Variants in THADA observed in about 807,000 individuals in gnomAD.
THADA encodes THADA armadillo repeat containing.
A neutral mutation model predicts 219.8 loss-of-function variants in THADA; 213 were observed. That is an observed-to-expected ratio of 0.97 (90% confidence interval 0.87 to 1.09). THADA has a LOEUF of 1.09. Among genes scored for constraint, THADA ranks in the 50% least tolerant of loss-of-function variants. The pLI, the probability that THADA is intolerant of heterozygous loss-of-function variation, is 0.00. For missense variants in THADA, 2,956 were observed against 2,311.3 expected (o/e 1.28, Z -5.72); for synonymous variants, 1,018 against 828.9 (o/e 1.23, Z -3.92).
chr2:43,551,756 C>A, intron 19 of THADA, 33 bp downstream of exon 19: 1 of 1,596,482 alleles, frequency 6.3e-7, no homozygotes, highest in Non-Finnish European at 8.5e-7. Context: ...AATCAAACCA[C>A]AGCACTCTAG....
intron 30 of THADA, among the ~76,000 whole-genome samples, chr2:43,330,696 G>T (rs1679863300): frequency 6.6e-6 from 1 of 152,174 alleles, no homozygotes; most frequent in South Asian, 2.1e-4. Flanking sequence ...TGAGGAAAAG[G>T]GATATAGAAT....
At chr2:43,566,133 A>G (rs577082457) in intron 15 of THADA, 15 of 261,132 alleles carry the variant, frequency 5.7e-5, no homozygotes, top group Admixed American at 5.0e-4. Context: ...GGAAAAAATG[A>G]AACAAAAAAA....
At chr2:43,380,935 C>A (rs928419171) in intron 29 of THADA, among the ~76,000 whole-genome samples, 3 of 151,512 alleles carry the variant, frequency 2.0e-5, no homozygotes, top group South Asian at 2.1e-4. Flanking sequence ...CCCGTCTCTA[C>A]GAAAAATACA....
intron 15 of THADA, chr2:43,564,867 T>C (rs1698483733): frequency 6.6e-6 from 1 of 152,190 alleles, no homozygotes; most frequent in Non-Finnish European, 1.5e-5. Context: ...AAAATGTTAA[T>C]ATCATAAAAT....
intron 11 of THADA, among the ~76,000 whole-genome samples, chr2:43,573,646 C>G (rs1699530715): frequency 6.6e-6 from 1 of 152,142 alleles, no homozygotes; most frequent in African/African-American, 2.4e-5. Context: ...CTCATGGTTA[C>G]TCTTTGAAGT....
intron 24 of THADA, among the ~76,000 whole-genome samples, chr2:43,500,980 G>A (rs571069452): frequency 6.6e-6 from 1 of 151,716 alleles, no homozygotes; most frequent in African/African-American, 2.4e-5. Flanking sequence ...CAAAAAAAAA[G>A]ACATTAGAAA....
At chr2:43,286,227 G>C (rs1673986398) in intron 35 of THADA, among the ~76,000 whole-genome samples, 1 of 152,186 alleles carries the variant, frequency 6.6e-6, no homozygotes, top group African/African-American at 2.4e-5. Flanking sequence ...CCCGTGTTAG[G>C]GAGTGGTGGA....
At chr2:43,326,121 C>A (rs1324677802) in intron 30 of THADA, among the ~76,000 whole-genome samples, 1 of 145,544 alleles carries the variant, frequency 6.9e-6, no homozygotes, top group Non-Finnish European at 1.5e-5. Flanking sequence ...CAAACATATG[C>A]ATTAGGTCAT....
intron 24 of THADA, among the ~76,000 whole-genome samples, 155 bp downstream of exon 24, chr2:43,505,467 T>C (rs760870608): frequency 8.5e-5 from 13 of 152,150 alleles, no homozygotes; most frequent in Non-Finnish European, 1.9e-4. Context: ...GGCAGAAGAA[T>C]TGCTTGAACC....
chr2:43,279,042 C>G (rs1339335216), intron 36 of THADA, among the ~76,000 whole-genome samples: 1 of 152,190 alleles, frequency 6.6e-6, no homozygotes, highest in Non-Finnish European at 1.5e-5. Context: ...GGCCACTTGT[C>G]CAGAGGTGTG....
intron 29 of THADA, among the ~76,000 whole-genome samples, chr2:43,359,972 G>A (rs1445608199): frequency 6.6e-6 from 1 of 151,490 alleles, no homozygotes; most frequent in Non-Finnish European, 1.5e-5. Flanking sequence ...CCAAGATAAT[G>A]AGATGTAGGT....
At chr2:43,427,379 A>G (rs1425326701) in intron 28 of THADA, among the ~76,000 whole-genome samples, 1 of 152,096 alleles carries the variant, frequency 6.6e-6, no homozygotes, top group African/African-American at 2.4e-5. Context: ...GGGCTCAAAG[A>G]AAACATTACT....
chr2:43,313,246 C>A (rs1558564621), intron 31 of THADA, among the ~76,000 whole-genome samples: 1 of 152,144 alleles, frequency 6.6e-6, no homozygotes, highest in Non-Finnish European at 1.5e-5. Flanking sequence ...TATATAAATA[C>A]AAGCAGTAAT....
chr2:43,431,899 C>T (rs1271400462), intron 26 of THADA, among the ~76,000 whole-genome samples: 1 of 78,444 alleles, frequency 1.3e-5, no homozygotes, highest in African/African-American at 7.3e-5. Context: ...CTCTGTCGCC[C>T]AGGCTGGAAT....
At chr2:43,493,164 A>C (rs1457391500) in intron 25 of THADA, among the ~76,000 whole-genome samples, 3 of 152,112 alleles carry the variant, frequency 2.0e-5, no homozygotes, top group Non-Finnish European at 4.4e-5. Context: ...CATGCTATGA[A>C]CCAGATTACC....
At chr2:43,453,742 T>G (rs1682644829) in intron 26 of THADA, among the ~76,000 whole-genome samples, 1 of 151,980 alleles carries the variant, frequency 6.6e-6, no homozygotes, top group Non-Finnish European at 1.5e-5. Context: ...TTACACAGAG[T>G]CAGACTTTCA....
At chr2:43,320,017 A>G (rs939348244) in intron 31 of THADA, among the ~76,000 whole-genome samples, 3 of 152,260 alleles carry the variant, frequency 2.0e-5, no homozygotes, top group African/African-American at 4.8e-5. Context: ...GCAGCAACTC[A>G]TAAGTGCATT....
intron 36 of THADA, among the ~76,000 whole-genome samples, chr2:43,237,301 G>A (rs1485161373): frequency 7.3e-5 from 11 of 151,664 alleles, no homozygotes; most frequent in East Asian, 1.9e-4. Flanking sequence ...ACACACCTGC[G>A]AAAGAATGAC....
At chr2:43,588,783 T>A (rs543900507) in intron 4 of THADA, among the ~76,000 whole-genome samples, 1 of 152,114 alleles carries the variant, frequency 6.6e-6, no homozygotes, top group African/African-American at 2.4e-5. Flanking sequence ...AGAATTTCAA[T>A]AGGCCTAATT....
Sources: allele counts gnomAD v4.1 joint callset (sites outside exome capture counted in the v4.1 genomes callset), GRCh38; gene constraint gnomAD v4.1.1; transcripts MANE v1.5; gene names NCBI Gene and HGNC (gene_info 2026-07-23, HGNC 2026-07-21).